Variants in CARF observed in about 807,000 individuals in gnomAD.
The protein encoded by CARF is calcium responsive transcription factor, also known as calcium-responsive transcription factor.
Under a neutral mutation model 82.0 loss-of-function variants are expected in CARF, and 57 were observed. The ratio of observed to expected loss-of-function variants is 0.70; its 90% confidence interval spans 0.56 to 0.87. The LOEUF (loss-of-function observed/expected upper bound fraction) is 0.87. CARF is among the 40% of genes least tolerant of loss of function. The pLI is 0.00. For missense variants in CARF, 771 were observed against 855.8 expected (o/e 0.90, Z 1.24); for synonymous variants, 268 against 290.1 (o/e 0.92, Z 0.77).
At chr2:202,966,931 A>G (rs949257142) in intron 9 of CARF, 47 bp from the exon 10 acceptor site, 16 of 1,596,658 alleles carry the variant, frequency 1.0e-5, no homozygotes, top group Admixed American at 5.2e-5. Flanking sequence ...AGTGTCTAGA[A>G]TAGATGGACA....
Position 202,986,868 on chromosome 2 carries a change from GTATATATATATA to G in CARF, c.*3273_*3284del, listed in dbSNP as rs67693134. 3.9e-3 allele frequency: 116 copies of G among 29,646 alleles called. 7 individuals are homozygous for G. The highest frequency in any genetic ancestry group is 7.9e-3 in the African/African-American group (103 of 13,022). 1.8% of individuals were successfully genotyped at this position (29,646 alleles called of 1,614,324 possible). ...AAAGAGGTTTAAAAAATGTCTGTGC[GTATATATATATA>G]TATATATATATATATATATATATAT... is the stretch of plus-strand genomic sequence containing the variant. On this transcript the variant is annotated 3_prime_UTR_variant, in exon 17 of 17. Transcript: ENST00000438828.
intron 3 of CARF, among the ~76,000 whole-genome samples, chr2:202,930,359 T>G (rs1692660569): frequency 6.6e-6 from 1 of 152,204 alleles, no homozygotes; most frequent in Non-Finnish European, 1.5e-5. Context: ...GTTCAGTGTT[T>G]TACAGTATTT....
chr2:202,919,805 T>A (rs1194901682), intron 2 of CARF, among the ~76,000 whole-genome samples: 2 of 152,230 alleles, frequency 1.3e-5, no homozygotes, highest in Non-Finnish European at 2.9e-5. Context: ...ACATGTAGGT[T>A]TGAGTTCTTG....
At chr2:202,954,962 C>T (rs1183557143) in intron 7 of CARF, among the ~76,000 whole-genome samples, 4 of 146,048 alleles carry the variant, frequency 2.7e-5, no homozygotes, top group African/African-American at 7.6e-5. Flanking sequence ...TGCAGTGAGC[C>T]GAGATTGTGC....
At chr2:202,923,659 A>G (rs1364650399) in intron 2 of CARF, among the ~76,000 whole-genome samples, 1 of 152,230 alleles carries the variant, frequency 6.6e-6, no homozygotes, top group Admixed American at 6.5e-5. Flanking sequence ...AAGAGCCCGC[A>G]TAGCCAAAGC....
In CARF at chr2:202,954,142, C is replaced by T. The variant is rs919193641; in HGVS notation, c.557+8C>T. On this transcript the variant is annotated splice_region_variant and intron_variant, in intron 7 of 16. Coordinates refer to ENST00000438828, the MANE Select transcript of CARF (RefSeq NM_024744.17). ...CAAAAAGTCAGTGACCGGGTGAGTC[C>T]ACGGGAAAGAGAAGCTCATCTTTTA... is the stretch of plus-strand genomic sequence containing the variant. 1.2e-6 allele frequency: 2 copies of T among 1,604,074 alleles called. No homozygotes were observed. The highest frequency in any genetic ancestry group is 1.7e-6 in the Non-Finnish European group (2 of 1,177,060).
rs948275489 is a variant in CARF, at chr2:202,920,863, A to C, written c.-163+2820A>C. On this transcript the variant is annotated intron_variant, in intron 2 of 16. Transcript: ENST00000438828. ...TAGGACCTTATTTGCAGTTGAATCT[A>C]ACTTTGTAAAAAGTTTCCTGTTTTA... Among the ~76,000 whole-genome samples, 4 of 152,170 alleles carry C rather than the reference A, an allele frequency of 2.6e-5. No individual in the cohort carries two copies. In the East Asian group the frequency reaches 7.7e-4, roughly 29 times the overall value.
intron 11 of CARF, 55 bp from the exon 12 acceptor site, chr2:202,971,450 A>G: frequency 1.9e-6 from 2 of 1,070,396 alleles, no homozygotes; most frequent in South Asian, 1.6e-5. Context: ...GTCTAATAAT[A>G]TTAAATAATT....
intron 12 of CARF, 99 bp downstream of exon 12, chr2:202,971,837 T>G: frequency 1.4e-6 from 1 of 706,862 alleles, no homozygotes; most frequent in South Asian, 1.9e-5. Context: ...ATATATGCTA[T>G]CAGGGTAGAT....
intron 5 of CARF, among the ~76,000 whole-genome samples, chr2:202,947,919 A>G (rs994196151): frequency 6.6e-6 from 1 of 152,072 alleles, no homozygotes; most frequent in East Asian, 1.9e-4. Context: ...TTGTCATGAA[A>G]TCTTTGCCCA....
chr2:202,944,868 G>A (rs1288662056), intron 5 of CARF, among the ~76,000 whole-genome samples: 7 of 151,358 alleles, frequency 4.6e-5, no homozygotes, highest in East Asian at 1.9e-4. Context: ...GTACCTTTCC[G>A]AGCAAAATTG....
chr2:202,920,794 C>T (rs949197385), intron 2 of CARF, among the ~76,000 whole-genome samples: 5 of 152,012 alleles, frequency 3.3e-5, no homozygotes, highest in African/African-American at 7.2e-5. Flanking sequence ...ATTTTTAAAA[C>T]GTTATATTCC....
intron 6 of CARF, among the ~76,000 whole-genome samples, chr2:202,953,211 T>C (rs1215185476): frequency 6.6e-6 from 1 of 152,120 alleles, no homozygotes; most frequent in Non-Finnish European, 1.5e-5. Flanking sequence ...AGACGAGGCT[T>C]CACCATGTTG....
chr2:202,988,253 T>C lies in CARF; in HGVS notation c.*4629T>C, dbSNP rs954740252. ...ATTATGAATAAAGTTTCCATGAACA[T>C]CTATGTACAAGTCTTTGTACAGACT... On this transcript the variant is annotated 3_prime_UTR_variant, in exon 17 of 17. Transcript: ENST00000438828. Among the ~76,000 whole-genome samples the C allele has an allele frequency of 6.6e-6, 1 of 152,216 alleles. No individual in the cohort carries two copies. Among genetic ancestry groups the C allele is most frequent in the Non-Finnish European group, 1.5e-5 (1 of 68,036 alleles).
At chr2:202,922,508 TA>T (rs1691020813) in intron 2 of CARF, among the ~76,000 whole-genome samples, 1 of 152,068 alleles carries the variant, frequency 6.6e-6, no homozygotes. Context: ...GAGAAAGAAA[TA>T]AAGAGCATTT....
At chr2:202,957,141 C>A (rs1410231875) in intron 8 of CARF, among the ~76,000 whole-genome samples, 2 of 152,084 alleles carry the variant, frequency 1.3e-5, no homozygotes, top group Non-Finnish European at 2.9e-5. Context: ...TTCTTTTTGG[C>A]CCATTTTTCA....
intron 3 of CARF, among the ~76,000 whole-genome samples, chr2:202,934,924 A>G (rs542329766): frequency 3.2e-4 from 48 of 151,566 alleles, no homozygotes; most frequent in Admixed American, 2.1e-3. Flanking sequence ...AAACAGTACA[A>G]AAATTAGCTG....
At position 202,967,078 on chromosome 2, in the gene CARF, C is replaced by T; in HGVS notation, c.933C>T (p.Tyr311=). ...AGGAAAGCAGGTCTTGTCAGCTCTA[C>T]AAAGCCACTTGTCCAGCTCGGTAAG... ...SEQESRSCQL[Y]KATCPARIYI... The change falls in exon 10 of 17, where the codon TAC becomes TAT. Residue 311 remains tyrosine (Y), a synonymous_variant. Transcript: ENST00000438828. 6.2e-7 allele frequency: 1 copy of T among 1,613,998 alleles called. No homozygotes were observed. Among genetic ancestry groups the T allele is most frequent in the Non-Finnish European group, 8.5e-7 (1 of 1,179,966 alleles).
At chr2:202,947,910 T>C (rs1252344252) in intron 5 of CARF, among the ~76,000 whole-genome samples, 4 of 152,208 alleles carry the variant, frequency 2.6e-5, no homozygotes, top group Non-Finnish European at 5.9e-5. Flanking sequence ...TTAGTGTCTT[T>C]GTCATGAAAT....
Sources: gnomAD v4.1 joint callset for allele counts (sites outside exome capture counted in the v4.1 genomes callset) on GRCh38, gnomAD v4.1.1 for gene constraint, MANE v1.5 for transcripts, NCBI Gene and HGNC (gene_info 2026-07-23, HGNC 2026-07-21) for gene names.